Variants in SLC35E4 observed in about 807,000 individuals in gnomAD.
The protein encoded by SLC35E4 is solute carrier family 35, member E4.
Under a neutral mutation model 19.3 loss-of-function variants are expected in SLC35E4, and 15 were observed. That is an observed-to-expected ratio of 0.78 (90% confidence interval 0.52 to 1.20). SLC35E4 has a LOEUF of 1.20. Ranked by LOEUF, SLC35E4 falls within the 50% of genes most tolerant of loss-of-function variation. The pLI, the probability that SLC35E4 is intolerant of heterozygous loss-of-function variation, is 0.00. For synonymous variants in SLC35E4, 219 were observed against 219.9 expected (o/e 1.00, Z 0.04); for missense variants, 406 against 472.3 (o/e 0.86, Z 1.30).
At chr22:30,646,026 G>A (rs1360210829) in intron 1 of SLC35E4, among the ~76,000 whole-genome samples, 3 of 151,612 alleles carry the variant, frequency 2.0e-5, no homozygotes, top group Admixed American at 6.6e-5. Flanking sequence ...CACGTTGCCC[G>A]GGCAGGTCTC....
chr22:30,639,442 G>A (rs2088000920), intron 1 of SLC35E4, among the ~76,000 whole-genome samples: 1 of 152,162 alleles, frequency 6.6e-6, no homozygotes, highest in Non-Finnish European at 1.5e-5. Context: ...CTTATCAAGA[G>A]ACAGGGTTTG....
chr22:30,655,412 A>G (rs897325026), intron 2 of SLC35E4, among the ~76,000 whole-genome samples: 4 of 146,454 alleles, frequency 2.7e-5, no homozygotes, highest in African/African-American at 1.0e-4. Context: ...ACTCTGGGTA[A>G]CAGAGTGAGA....
At chr22:30,663,641 C>T (rs773766290), downstream of SLC35E4, 4 of 1,614,102 alleles carry the variant, frequency 2.5e-6, no homozygotes, top group East Asian at 2.2e-5. Context: ...TGGCGTGGTA[C>T]TTCATGAGGT....
At chr22:30,641,551 A>AT (rs1158488933) in intron 1 of SLC35E4, among the ~76,000 whole-genome samples, 6 of 150,996 alleles carry the variant, frequency 4.0e-5, no homozygotes, top group Non-Finnish European at 7.4e-5. Flanking sequence ...ATTTTATTTT[A>AT]TTATTTTTTT....
At chr22:30,658,409 G>C (rs984782711) in intron 2 of SLC35E4, among the ~76,000 whole-genome samples, 17 of 151,590 alleles carry the variant, frequency 1.1e-4, no homozygotes, top group Non-Finnish European at 2.2e-4. Context: ...GGGGGTAGCA[G>C]CAGTAACAGT....
At chr22:30,657,956 A>G (rs2145598525) in intron 2 of SLC35E4, among the ~76,000 whole-genome samples, 1 of 148,518 alleles carries the variant, frequency 6.7e-6, no homozygotes, top group East Asian at 2.0e-4. Flanking sequence ...AATAATAATG[A>G]TTAGCTGGAT....
downstream of SLC35E4, among the ~76,000 whole-genome samples, chr22:30,649,778 A>G (rs1263770250): frequency 6.7e-6 from 1 of 149,854 alleles, no homozygotes; most frequent in Non-Finnish European, 1.5e-5. Context: ...CCCCACTGCC[A>G]TAGCAGGGAC....
rs1246847162 is a variant in SLC35E4 at position 30,647,124 on chromosome 22, A to G, written c.*93A>G. ...GAAGGAATGGAGAACAGGGCTGGGCATGGTGGCTCACGCCTATAATCCCAG... is the reference window on the plus strand; with the variant it reads ...GAAGGAATGGAGAACAGGGCTGGGCGTGGTGGCTCACGCCTATAATCCCAG... On this transcript the variant is annotated 3_prime_UTR_variant, in exon 2 of 2. Coordinates refer to ENST00000343605, the MANE Select transcript of SLC35E4 (RefSeq NM_001001479.4). The G allele has an allele frequency of 2.8e-6, 4 of 1,404,658 alleles. No individual in the cohort carries two copies. Among genetic ancestry groups the G allele is most frequent in the Non-Finnish European group, 3.8e-6 (4 of 1,059,432 alleles). The allele number at this position is 1,404,658 out of a possible 1,614,324, so 87.0% of individuals were successfully genotyped here. A position where few individuals can be genotyped will look rare whatever the true frequency, so the allele number is the denominator to read the frequency against.
intron 2 of SLC35E4, among the ~76,000 whole-genome samples, chr22:30,658,993 G>A (rs2088402879): frequency 6.6e-6 from 1 of 151,814 alleles, no homozygotes; most frequent in East Asian, 1.9e-4. Flanking sequence ...GCATGGTGGC[G>A]GGTCCCTGTA....
chr22:30,666,172 G>A (rs1322073442), downstream of SLC35E4, among the ~76,000 whole-genome samples: 1 of 152,136 alleles, frequency 6.6e-6, no homozygotes, highest in African/African-American at 2.4e-5. Flanking sequence ...AAAATCCATA[G>A]AGAAGTGAAC....
At chr22:30,637,360 CTCCGCA>C (rs1295679099) in intron 1 of SLC35E4, among the ~76,000 whole-genome samples, 1 of 152,148 alleles carries the variant, frequency 6.6e-6, no homozygotes, top group Admixed American at 6.5e-5. Context: ...TCAATACAGC[CTCCGCA>C]TCCTGGGTTC....
chr22:30,640,739 T>G (rs922503532), intron 1 of SLC35E4, among the ~76,000 whole-genome samples: 4 of 152,180 alleles, frequency 2.6e-5, no homozygotes, highest in African/African-American at 9.7e-5. Flanking sequence ...CATATTGGGA[T>G]TTTATCTGGG....
chr22:30,655,431 A>T (rs911115880), intron 2 of SLC35E4, among the ~76,000 whole-genome samples: 73,197 of 109,458 alleles, frequency 0.67, 20,663 homozygotes, highest in East Asian at 0.8. Flanking sequence ...GATCCTACCA[A>T]AAAAAAAAAA....
At chr22:30,650,255 C>T (rs2145585549), downstream of SLC35E4, among the ~76,000 whole-genome samples, 1 of 151,876 alleles carries the variant, frequency 6.6e-6, no homozygotes, top group African/African-American at 2.4e-5. Flanking sequence ...TCGCTTGAAC[C>T]TGGGAGGCGG....
rs763834089 is a variant in SLC35E4 at position 30,646,954 on chromosome 22, C to G, written c.976C>G (p.His326Asp). ...ALTLSGMFLY[H>D]NCEFVASWAA... ...CACTCTTTCAGGAATGTTCCTTTAC[C>G]ACAACTGCGAGTTCGTGGCCTCCTG... Residue 326 changes from histidine to aspartate, a missense_variant, in exon 2 of 2, where the codon CAC becomes GAC. His to Asp is a moderately conservative substitution (Grantham distance 81). Transcript: ENST00000343605. 1.4e-5 allele frequency: 22 copies of G among 1,613,984 alleles called. No homozygotes were observed. The highest frequency in any genetic ancestry group is 1.8e-5 in the Non-Finnish European group (21 of 1,180,050).
rs369527396 is a variant in SLC35E4, at chr22:30,636,819, C to T, written c.369C>T (p.Cys123=). The T allele has an allele frequency of 2.5e-6, 4 of 1,612,552 alleles. No individual in the cohort carries two copies. Among genetic ancestry groups the T allele is most frequent in the African/African-American group, 2.7e-5 (2 of 74,918 alleles). ...LSLTFGTSMA[C]GNVGLRAVPL... is the part of the protein sequence containing the mutation. Reference sequence around the variant, plus strand: ...TCACCTTTGGCACGTCCATGGCCTGCGGCAACGTGGGCCTAAGGGCTGTGC... The same window carrying T: ...TCACCTTTGGCACGTCCATGGCCTGTGGCAACGTGGGCCTAAGGGCTGTGC... Residue 123 remains cysteine, a synonymous_variant, in exon 1 of 2, where the codon TGC becomes TGT. Coordinates refer to ENST00000343605, the MANE Select transcript of SLC35E4 (RefSeq NM_001001479.4).
At chr22:30,663,602 G>T (rs753147447), downstream of SLC35E4, 32 of 1,614,112 alleles carry the variant, frequency 2.0e-5, no homozygotes, top group East Asian at 6.9e-4. Flanking sequence ...GGCATGACTT[G>T]GTCCACGTGT....
In SLC35E4 at chr22:30,655,181, T is replaced by C. The variant is rs117841102; in HGVS notation, c.*8+5928T>C. 1.1e-3 allele frequency among the ~76,000 whole-genome samples: 172 copies of C among 151,630 alleles called. No homozygotes were observed. In the East Asian group the frequency reaches 0.026, roughly 23 times the overall value. ...TTGCCACAAGAAGCCAGCAGCCAGG[T>C]ATGGTGGCTCACACCTGTAATCCTA... On this transcript the variant is annotated intron_variant, in intron 2 of 2. Coordinates refer to the SLC35E4 transcript ENST00000406566.
chr22:30,651,391 G>A (rs1569061861), downstream of SLC35E4, among the ~76,000 whole-genome samples: 12 of 37,782 alleles, frequency 3.2e-4, no homozygotes, highest in African/African-American at 1.4e-3. Flanking sequence ...GTGTGTGTGT[G>A]TGTGTGTGTA....
Sources: allele counts gnomAD v4.1 joint callset (sites outside exome capture counted in the v4.1 genomes callset), GRCh38; gene constraint gnomAD v4.1.1; transcripts MANE v1.5; gene names NCBI Gene and HGNC (gene_info 2026-07-23, HGNC 2026-07-21).